The following EIF3A variants were observed in gnomAD, a reference collection of about 807,000 sequenced individuals.
EIF3A encodes the protein EIF3, p180 subunit.
In EIF3A, 21 loss-of-function variants were observed where a neutral mutation model predicts 186.6. The observed-to-expected ratio is 0.11, with a 90% CI of 0.08 to 0.16. The LOEUF is 0.16. Ranked by LOEUF, EIF3A falls within the 10% of genes least tolerant of loss-of-function variation. The pLI, the probability that EIF3A is intolerant of heterozygous loss-of-function variation, is 1.00. For missense variants in EIF3A, 1,306 were observed against 1,796.3 expected (o/e 0.73, Z 4.93); for synonymous variants, 563 against 584.3 (o/e 0.96, Z 0.52).
intron 1 of EIF3A, among the ~76,000 whole-genome samples, chr10:119,074,452 C>G (rs1427879563): frequency 7.4e-6 from 1 of 135,316 alleles, no homozygotes; most frequent in Non-Finnish European, 1.6e-5. Flanking sequence ...GTGACAAGAG[C>G]GAAATTCCGT....
rs1281451640 is a variant in EIF3A at position 119,049,720 on chromosome 10, GGCGACAGA to G, written c.2658+73_2658+80del. 2.4e-4 allele frequency: 309 copies of G among 1,283,666 alleles called. 1 individual carries two copies. The highest frequency in any genetic ancestry group is 3.3e-4 in the Non-Finnish European group (301 of 922,524). The allele number at this position is 1,283,666 out of a possible 1,614,324, so 79.5% of individuals were successfully genotyped here. A position where few individuals can be genotyped will look rare whatever the true frequency, so the allele number is the denominator to read the frequency against. On this transcript the variant is annotated intron_variant, in intron 17 of 21. Transcript: ENST00000369144. ...ACTGTACTCCAGCCTGGGCAACCTGGGCGACAGAGCAAGACTGTGCCTCAACCAAAAAA... is the reference window on the plus strand; with the variant it reads ...ACTGTACTCCAGCCTGGGCAACCTGGGCAAGACTGTGCCTCAACCAAAAAA...
intron 1 of EIF3A, among the ~76,000 whole-genome samples, chr10:119,080,205 C>T (rs1844240804): frequency 6.6e-6 from 1 of 152,170 alleles, no homozygotes; most frequent in Non-Finnish European, 1.5e-5. Context: ...CGTGCATTGT[C>T]CCCGGGAGGG....
At chr10:119,055,028 G>A (rs559143663) in intron 14 of EIF3A, among the ~76,000 whole-genome samples, 21 of 152,148 alleles carry the variant, frequency 1.4e-4, no homozygotes, top group African/African-American at 4.1e-4. Context: ...CAGCCAACAC[G>A]GTGACCTCAT....
intron 8 of EIF3A, 135 bp from the exon 9 acceptor site, chr10:119,060,979 T>C (rs1377071408): frequency 1.1e-5 from 7 of 660,486 alleles, no homozygotes; most frequent in South Asian, 2.2e-5. Context: ...ATGAAGCTAC[T>C]GATACTTGTT....
At chr10:119,059,087 C>T (rs1444306100) in intron 11 of EIF3A, 125 bp downstream of exon 11, 3 of 774,916 alleles carry the variant, frequency 3.9e-6, no homozygotes, top group Non-Finnish European at 6.4e-6. Context: ...AAGTACAATT[C>T]TATAGGAAAC....
intron 7 of EIF3A, among the ~76,000 whole-genome samples, chr10:119,062,379 T>C (rs76454965): frequency 2.0e-5 from 3 of 152,224 alleles, no homozygotes; most frequent in East Asian, 1.9e-4. Flanking sequence ...TTAGGAATGT[T>C]TGAGTCTTTT....
At chr10:119,048,873 G>A (rs555860151) in intron 17 of EIF3A, among the ~76,000 whole-genome samples, 1 of 152,124 alleles carries the variant, frequency 6.6e-6, no homozygotes, top group African/African-American at 2.4e-5. Flanking sequence ...GTATCACCAT[G>A]TTGGCCAGAC....
At chr10:119,039,124 G>A (rs1185846499) in intron 19 of EIF3A, among the ~76,000 whole-genome samples, 2 of 152,016 alleles carry the variant, frequency 1.3e-5, no homozygotes, top group Non-Finnish European at 2.9e-5. Flanking sequence ...CCAATTTTGA[G>A]GTATTTATAC....
intron 4 of EIF3A, among the ~76,000 whole-genome samples, chr10:119,072,668 C>A (rs370484561): frequency 1.1e-4 from 17 of 152,006 alleles, no homozygotes; most frequent in African/African-American, 3.1e-4. Context: ...TTGGCCAGGC[C>A]GCTCTTGAAC....
chr10:119,046,994 A>G (rs1848290137), intron 17 of EIF3A, among the ~76,000 whole-genome samples: 2 of 152,050 alleles, frequency 1.3e-5, no homozygotes, highest in African/African-American at 4.8e-5. Flanking sequence ...AAGGCCAGGC[A>G]TAGTGGCTCA....
At chr10:119,067,420 C>T (rs1564759052) in intron 6 of EIF3A, among the ~76,000 whole-genome samples, 1 of 152,004 alleles carries the variant, frequency 6.6e-6, no homozygotes, top group South Asian at 2.1e-4. Flanking sequence ...CGAGACCCTG[C>T]CTCCACAAAA....
intron 7 of EIF3A, among the ~76,000 whole-genome samples, chr10:119,062,006 C>T (rs1843895841): frequency 6.6e-6 from 1 of 152,096 alleles, no homozygotes; most frequent in Non-Finnish European, 1.5e-5. Flanking sequence ...ATTGGCAGAT[C>T]GCATCCCCAA....
chr10:119,043,871 A>G (rs1372381595), intron 18 of EIF3A, among the ~76,000 whole-genome samples, 183 bp downstream of exon 18: 1 of 152,192 alleles, frequency 6.6e-6, no homozygotes, highest in African/African-American at 2.4e-5. Context: ...AGATAGCGCC[A>G]CTGCACCCCA....
chr10:119,072,243 T>TAAAA (rs68078133), intron 4 of EIF3A, among the ~76,000 whole-genome samples: 1,346 of 122,662 alleles, frequency 0.011, 24 homozygotes, highest in African/African-American at 0.04. Flanking sequence ...TCAAGTTCAC[T>TAAAA]AAAAAAAAAA....
At chr10:119,050,882 C>A (rs7903075) in intron 15 of EIF3A, among the ~76,000 whole-genome samples, 1 of 152,164 alleles carries the variant, frequency 6.6e-6, no homozygotes, top group East Asian at 1.9e-4. Flanking sequence ...TATTACCTAC[C>A]TCCAGTGGGT....
rs973562983 is a variant in EIF3A, at chr10:119,080,751, A to T, written c.-75T>A. 1.2e-4 allele frequency: 181 copies of T among 1,536,124 alleles called. No homozygotes were observed. The highest frequency in any genetic ancestry group is 1.5e-4 in the Non-Finnish European group (168 of 1,141,536). Reference sequence around the variant, plus strand: ...CGGGCCGGGAGAGGAGACGAAGGGGAACCAGCGTAAGGTCCCACGCGCCTC... The same window carrying T: ...CGGGCCGGGAGAGGAGACGAAGGGGTACCAGCGTAAGGTCCCACGCGCCTC... On this transcript the variant is annotated 5_prime_UTR_variant, in exon 1 of 22. Transcript: ENST00000369144.
At chr10:119,064,371 A>C (rs1843937187) in intron 7 of EIF3A, among the ~76,000 whole-genome samples, 2 of 152,184 alleles carry the variant, frequency 1.3e-5, no homozygotes, top group Admixed American at 6.5e-5. Context: ...TCTCATGTTC[A>C]ACTGTAATCT....
At chr10:119,076,322 C>CAA (rs10712381) in intron 1 of EIF3A, among the ~76,000 whole-genome samples, 2 of 114,416 alleles carry the variant, frequency 1.7e-5, no homozygotes, top group African/African-American at 6.4e-5. Context: ...AACAAGTCTC[C>CAA]AAAAAAAAAA....
At chr10:119,041,005 CAAAAAAAAAAAAA>C (rs34452005) in intron 19 of EIF3A, among the ~76,000 whole-genome samples, 1 of 78,730 alleles carries the variant, frequency 1.3e-5, no homozygotes. Flanking sequence ...ACTCCGTCTC[CAAAAAAAAAAAAA>C]AAAAAAAAAA....
Sources: allele counts gnomAD v4.1 joint callset (sites outside exome capture counted in the v4.1 genomes callset), GRCh38; gene constraint gnomAD v4.1.1; transcripts MANE v1.5; gene names NCBI Gene and HGNC (gene_info 2026-07-23, HGNC 2026-07-21).